The following HS3ST1 variants were observed in gnomAD, a reference collection of about 807,000 sequenced individuals.
The protein encoded by HS3ST1 is heparan sulfate glucosamine 3-O-sulfotransferase 1.
HS3ST1 carries 8 observed loss-of-function variants against 20.7 expected under a neutral mutation model. The observed-to-expected ratio is 0.39, with a 90% CI of 0.23 to 0.70. HS3ST1 has a LOEUF of 0.70. Among genes scored for constraint, HS3ST1 ranks in the 30% least tolerant of loss-of-function variants. The pLI is 0.46. For missense variants in HS3ST1, 436 were observed against 423.4 expected (o/e 1.03, Z -0.26); for synonymous variants, 205 against 190.4 (o/e 1.08, Z -0.63).
chr4:11,413,622 A>G (rs1240435579), intron 1 of HS3ST1, among the ~76,000 whole-genome samples: 1 of 152,104 alleles, frequency 6.6e-6, no homozygotes, highest in Non-Finnish European at 1.5e-5. Context: ...TCTTCCCTCA[A>G]ACAACTTGGG....
chr4:11,434,295 A>T (rs1398193710), upstream of HS3ST1, among the ~76,000 whole-genome samples: 1 of 152,182 alleles, frequency 6.6e-6, no homozygotes, highest in Non-Finnish European at 1.5e-5. Context: ...TCTTTTTAAC[A>T]AAAATTAATT....
chr4:11,402,410 T>C (rs1219707859), intron 1 of HS3ST1, among the ~76,000 whole-genome samples: 2 of 152,230 alleles, frequency 1.3e-5, no homozygotes, highest in Non-Finnish European at 2.9e-5. Context: ...CCAATTTTTT[T>C]AGTCAAGTGA....
chr4:11,399,779 A>G lies in HS3ST1; in HGVS notation c.227T>C (p.Leu76Pro). 6.2e-7 allele frequency: 1 copy of G among 1,613,640 alleles called. No individual in the cohort carries two copies. Among genetic ancestry groups the G allele is most frequent in the Non-Finnish European group, 8.5e-7 (1 of 1,179,986 alleles). ...GTRALLEMLS[L>P]HPDVAAAENE... is the part of the protein sequence containing the mutation. The stretch of plus-strand genomic sequence containing the variant: ...CTCCGCGGCCGCCACGTCGGGGTGC[A>G]GGCTGAGCATCTCCAGCAGTGCGCG... Residue 76 changes from leucine to proline, a missense_variant, in exon 2 of 2, where the codon CTG becomes CCG. Coordinates refer to ENST00000002596, the MANE Select transcript of HS3ST1 (RefSeq NM_005114.4). This position sits in a 1 kb window ranked among gnomAD's most constrained non-coding sequence, Gnocchi z 5.1.
intron 1 of HS3ST1, among the ~76,000 whole-genome samples, chr4:11,403,354 C>T (rs1372119497): frequency 6.6e-6 from 1 of 152,172 alleles, no homozygotes; most frequent in African/African-American, 2.4e-5. Context: ...CTTTTTGTAA[C>T]ACTCTCAGAA....
Position 11,422,825 on chromosome 4 carries a change from G to A in HS3ST1, c.-109+5874C>T, listed in dbSNP as rs535686638. Among the ~76,000 whole-genome samples, 663 of 151,868 alleles carry A rather than the reference G, an allele frequency of 4.4e-3. 6 individuals are homozygous for A. The highest frequency in any genetic ancestry group is 0.015 in the African/African-American group (633 of 41,434). ...AAATTAAAGCCTCAAAAAAATTTCC[G>A]TGGACGATGGGAGCAGGCTTAAAGT... On this transcript the variant is annotated intron_variant, in intron 1 of 1. Transcript: ENST00000002596.
chr4:11,426,081 A>G (rs1577450426), intron 1 of HS3ST1, among the ~76,000 whole-genome samples: 5 of 152,200 alleles, frequency 3.3e-5, no homozygotes, highest in Admixed American at 3.3e-4. Context: ...AGGCCCGGAA[A>G]CCTGGTGCCT....
In HS3ST1 at chr4:11,396,838, G is replaced by GACC. The variant is rs2108877764; in HGVS notation, c.*2241_*2243dup. On this transcript the variant is annotated 3_prime_UTR_variant, in exon 2 of 2. Transcript: ENST00000002596. ...TACATTCACTGATCATTTTACACTG[G>GACC]ACCACCGCCTCCATCGACTATGCCA... 6.6e-6 allele frequency: 1 copy of GACC among 152,244 alleles called. No homozygotes were observed. The highest frequency in any genetic ancestry group is 2.1e-4 in the South Asian group (1 of 4,818). 9.4% of individuals were successfully genotyped at this position (152,244 alleles called of 1,614,324 possible).
chr4:11,412,051 A>G (rs1031893511), intron 1 of HS3ST1, among the ~76,000 whole-genome samples: 1 of 152,206 alleles, frequency 6.6e-6, no homozygotes, highest in South Asian at 2.1e-4. Context: ...AACTCCCACC[A>G]AATTTCAGTT....
Position 11,394,560 on chromosome 4 carries a change from CA to C in HS3ST1, c.*4521del, listed in dbSNP as rs1718087295. On this transcript the variant is annotated 3_prime_UTR_variant, in exon 2 of 2. Transcript: ENST00000002596. The stretch of plus-strand genomic sequence containing the variant: ...ATGTTTTATCACGTCCCTGTTGCAT[CA>C]AATCCCAGCCACTGCTTTGCTTGAA... 1 of 152,180 alleles carries C rather than the reference CA, an allele frequency of 6.6e-6. No homozygotes were observed. Among genetic ancestry groups the C allele is most frequent in the Non-Finnish European group, 1.5e-5 (1 of 68,048 alleles). The allele number at this position is 152,180 out of a possible 1,614,324, so 9.4% of individuals were successfully genotyped here.
chr4:11,400,133 G>T lies in HS3ST1; in HGVS notation c.-108-20C>A. ...CAATTACTAGGGAACAAAAAGGGAA[G>T]ATATTAACATATAACAAATACAGGG... is the stretch of plus-strand genomic sequence containing the variant. On this transcript the variant is annotated intron_variant, in intron 1 of 1. Transcript: ENST00000002596. The T allele has an allele frequency of 7.0e-7, 1 of 1,423,812 alleles. No individual in the cohort carries two copies. The highest frequency in any genetic ancestry group is 9.2e-7 in the Non-Finnish European group (1 of 1,092,402). 88.2% of individuals were successfully genotyped at this position (1,423,812 alleles called of 1,614,324 possible). A position where few individuals can be genotyped will look rare whatever the true frequency, so the allele number is the denominator to read the frequency against.
chr4:11,398,954 C>G lies in HS3ST1; in HGVS notation c.*128G>C. On this transcript the variant is annotated 3_prime_UTR_variant, in exon 2 of 2. Transcript: ENST00000002596. ...ATATATGGCAATTGTGAATCTAATA[C>G]TGTACAGAAGTACTTTATGGATTTT... 1.3e-6 allele frequency: 1 copy of G among 793,916 alleles called. No individual in the cohort carries two copies. The highest frequency in any genetic ancestry group is 2.0e-6 in the Non-Finnish European group (1 of 504,336). The allele number at this position is 793,916 out of a possible 1,614,324, so 49.2% of individuals were successfully genotyped here.
At chr4:11,427,829 C>T (rs1239026395) in intron 1 of HS3ST1, among the ~76,000 whole-genome samples, 1 of 152,224 alleles carries the variant, frequency 6.6e-6, no homozygotes, top group African/African-American at 2.4e-5. Flanking sequence ...TTCTTCTTCC[C>T]ATCATCCGCC....
chr4:11,401,061 C>T (rs1718311279), intron 1 of HS3ST1, among the ~76,000 whole-genome samples: 2 of 152,084 alleles, frequency 1.3e-5, no homozygotes, highest in African/African-American at 4.8e-5. Context: ...ATTGACGCAG[C>T]CTGACTGTAG....
intron 1 of HS3ST1, among the ~76,000 whole-genome samples, chr4:11,413,362 G>A (rs951968270): frequency 1.3e-5 from 2 of 151,932 alleles, no homozygotes; most frequent in Non-Finnish European, 2.9e-5. Context: ...AATGAGGTAT[G>A]GACGATTGGG....
chr4:11,407,380 C>T (rs760618660), intron 1 of HS3ST1, among the ~76,000 whole-genome samples: 14 of 152,288 alleles, frequency 9.2e-5, no homozygotes, highest in Non-Finnish European at 1.6e-4. Flanking sequence ...CTTGAATCCT[C>T]TGCATGTCTG....
chr4:11,399,942 G>T lies in HS3ST1; in HGVS notation c.64C>A (p.Pro22Thr), dbSNP rs11559238. 4 of 1,573,638 alleles carry T rather than the reference G, an allele frequency of 2.5e-6. No individual in the cohort carries two copies. Among genetic ancestry groups the T allele is most frequent in the East Asian group, 4.7e-5 (2 of 42,716 alleles). The change falls in exon 2 of 2, where the codon CCC (proline) becomes ACC (threonine). Residue 22 changes from proline (P) to threonine (T), a missense_variant. Transcript: ENST00000002596. The surrounding 1 kb of genome is among the most constrained non-coding windows in gnomAD (Gnocchi z 5.1). ...VAQPQLVPSR[P>T]AELGQQELLR... ...AGCTCCTGCTGGCCTAGCTCGGCGGGGCGGGAAGGCACTAGCTGGGGCTGG... is the reference window on the plus strand; with the variant it reads ...AGCTCCTGCTGGCCTAGCTCGGCGGTGCGGGAAGGCACTAGCTGGGGCTGG...
intron 1 of HS3ST1, among the ~76,000 whole-genome samples, chr4:11,412,210 G>A (rs1718656475): frequency 6.6e-6 from 1 of 152,220 alleles, no homozygotes; most frequent in South Asian, 2.1e-4. Context: ...TGAACTGGGA[G>A]ATAGGAGCTG....
intron 1 of HS3ST1, among the ~76,000 whole-genome samples, chr4:11,427,175 G>C (rs1719082307): frequency 6.6e-6 from 1 of 152,084 alleles, no homozygotes; most frequent in African/African-American, 2.4e-5. Flanking sequence ...AAAATAAAAT[G>C]AGATTTGCCT....
rs1719083072 is a variant in HS3ST1, at chr4:11,427,205, G to C, written c.-109+1494C>G. On this transcript the variant is annotated intron_variant, in intron 1 of 1. Transcript: ENST00000002596. ...TTGCCTGCAAAGCGAGAACGCACGG[G>C]TGGGAATGAAGGATCCTGCCTGTGC... Among the ~76,000 whole-genome samples the C allele has an allele frequency of 2.0e-5, 3 of 152,314 alleles. No individual in the cohort carries two copies. In the South Asian group the frequency reaches 6.2e-4, roughly 32 times the overall value.
Sources: allele counts gnomAD v4.1 joint callset (sites outside exome capture counted in the v4.1 genomes callset), GRCh38; gene constraint gnomAD v4.1.1; non-coding constraint Gnocchi (gnomAD v3.1); transcripts MANE v1.5; gene names NCBI Gene and HGNC (gene_info 2026-07-23, HGNC 2026-07-21).